The following LRBA variants were observed in gnomAD, a reference collection of about 807,000 sequenced individuals.
LRBA encodes the protein LPS responsive beige-like anchor protein, also known as lipopolysaccharide-responsive and beige-like anchor protein.
In LRBA, 176 loss-of-function variants were observed where a neutral mutation model predicts 330.0. The ratio of observed to expected loss-of-function variants is 0.53; its 90% confidence interval spans 0.47 to 0.60. The LOEUF (loss-of-function observed/expected upper bound fraction) is 0.60. LRBA is among the 20% of genes least tolerant of loss of function. The pLI is 0.00. For synonymous variants in LRBA, 1,230 were observed against 1,193.0 expected (o/e 1.03, Z -0.64); for missense variants, 3,259 against 3,444.8 (o/e 0.95, Z 1.35).
intron 2 of LRBA, among the ~76,000 whole-genome samples, chr4:150,946,604 G>A (rs1319130844): frequency 1.3e-5 from 2 of 152,042 alleles, no homozygotes; most frequent in African/African-American, 4.8e-5. Flanking sequence ...ATCAAAATTT[G>A]TGGGCCATAC....
intron 40 of LRBA, among the ~76,000 whole-genome samples, chr4:150,495,772 C>T (rs1235871722): frequency 6.6e-6 from 1 of 152,138 alleles, no homozygotes; most frequent in East Asian, 1.9e-4. Flanking sequence ...TGAAACTCTA[C>T]ATACACTGAC....
chr4:150,382,286 T>C (rs1166326940), intron 47 of LRBA, among the ~76,000 whole-genome samples: 1 of 152,122 alleles, frequency 6.6e-6, no homozygotes, highest in Non-Finnish European at 1.5e-5. Context: ...TGCAGTCTTG[T>C]TTTGTGTCAA....
chr4:150,644,056 A>G (rs1778917496), intron 37 of LRBA, among the ~76,000 whole-genome samples: 1 of 151,898 alleles, frequency 6.6e-6, no homozygotes, highest in South Asian at 2.1e-4. Flanking sequence ...TTATTTTCTT[A>G]TTACCAGTGT....
At chr4:150,798,176 A>G (rs941982608) in intron 33 of LRBA, 34 bp from the exon 34 acceptor site, 1 of 1,348,642 alleles carries the variant, frequency 7.4e-7, no homozygotes, top group Non-Finnish European at 1.1e-6. Context: ...AAGAAGTTAT[A>G]AAGAAAACAA....
In LRBA at chr4:150,969,828, G is replaced by A. The variant is rs573722477; in HGVS notation, c.217-40763C>T. Reference sequence around the variant, plus strand: ...GTGAAGATGCCATGAGTATTGTTGAGATAACAAAGGATTTAGAATCTTACA... The same window carrying A: ...GTGAAGATGCCATGAGTATTGTTGAAATAACAAAGGATTTAGAATCTTACA... On this transcript the variant is annotated intron_variant, in intron 2 of 56. Transcript: ENST00000651943. 3.3e-5 allele frequency among the ~76,000 whole-genome samples: 5 copies of A among 152,268 alleles called. No homozygotes were observed. The South Asian group carries it at 1.0e-3, about 32-fold the overall frequency.
At chr4:150,892,796 A>G (rs1330986168) in intron 17 of LRBA, among the ~76,000 whole-genome samples, 1 of 152,236 alleles carries the variant, frequency 6.6e-6, no homozygotes, top group Non-Finnish European at 1.5e-5. Flanking sequence ...GTAGCTCTAT[A>G]ATAGCACTCA....
At chr4:150,636,149 C>A (rs1777881286) in intron 37 of LRBA, among the ~76,000 whole-genome samples, 1 of 132,522 alleles carries the variant, frequency 7.5e-6, no homozygotes, top group South Asian at 2.5e-4. Context: ...TGACATGGTA[C>A]CTACCAAGCT....
At position 150,798,071 on chromosome 4, in the gene LRBA, T is replaced by A; in HGVS notation, c.5580+10A>T. On this transcript the variant is annotated intron_variant, in intron 34 of 56. Coordinates refer to ENST00000651943, the MANE Select transcript of LRBA (RefSeq NM_001364905.1). ...CTACTTTTAATTCAACATTTATTCT[T>A]GCCACTCACCTGAGAACACAGTAGC... 2 of 1,578,082 alleles carry A rather than the reference T, an allele frequency of 1.3e-6. No homozygotes were observed. Among genetic ancestry groups the A allele is most frequent in the Non-Finnish European group, 8.7e-7 (1 of 1,150,416 alleles).
chr4:150,562,105 T>TGTTAC (rs59777850), intron 40 of LRBA, among the ~76,000 whole-genome samples: 1 of 151,856 alleles, frequency 6.6e-6, no homozygotes, highest in Non-Finnish European at 1.5e-5. Flanking sequence ...AATTATTTTA[T>TGTTAC]ATTTGCTCAC....
At chr4:150,409,692 A>G (rs1746677748) in intron 47 of LRBA, among the ~76,000 whole-genome samples, 1 of 152,172 alleles carries the variant, frequency 6.6e-6, no homozygotes, top group Admixed American at 6.5e-5. Context: ...AATGGTTTTT[A>G]TATTTTTACA....
chr4:150,918,486 C>T (rs1483531891), intron 5 of LRBA, among the ~76,000 whole-genome samples: 2 of 152,172 alleles, frequency 1.3e-5, no homozygotes, highest in African/African-American at 4.8e-5. Context: ...CGGTGGCTCA[C>T]GCCTATAATC....
chr4:150,952,264 G>A (rs960176679), intron 2 of LRBA, among the ~76,000 whole-genome samples: 1 of 152,176 alleles, frequency 6.6e-6, no homozygotes, highest in African/African-American at 2.4e-5. Flanking sequence ...ATGTGTGTGT[G>A]TGTGTGTGTG....
chr4:150,797,987 C>T, intron 34 of LRBA, 94 bp downstream of exon 34: 1 of 773,636 alleles, frequency 1.3e-6, no homozygotes, highest in East Asian at 2.5e-5. Context: ...TTTTATTATA[C>T]CAAAAATTTC....
At position 150,827,844 on chromosome 4, in the gene LRBA, C is replaced by T. The variant is rs538412838; in HGVS notation, c.5171+336G>A. 8.6e-5 allele frequency among the ~76,000 whole-genome samples: 13 copies of T among 151,962 alleles called. No homozygotes were observed. In the East Asian group the frequency reaches 2.5e-3, roughly 29 times the overall value. Reference sequence around the variant, plus strand: ...CTCGAACTCCTGACCTCAGGTGATCCACACACTTCAACCTCCCAAAATGCT... The same window carrying T: ...CTCGAACTCCTGACCTCAGGTGATCTACACACTTCAACCTCCCAAAATGCT... On this transcript the variant is annotated intron_variant, in intron 30 of 56. Transcript: ENST00000651943.
At chr4:150,966,257 G>A (rs1400457358) in intron 2 of LRBA, among the ~76,000 whole-genome samples, 1 of 151,748 alleles carries the variant, frequency 6.6e-6, no homozygotes, top group Non-Finnish European at 1.5e-5. Flanking sequence ...TATATTTGTA[G>A]CTCATTCTCT....
intron 52 of LRBA, among the ~76,000 whole-genome samples, chr4:150,309,042 C>G (rs1035909593): frequency 6.6e-6 from 1 of 152,160 alleles, no homozygotes; most frequent in Admixed American, 6.5e-5. Flanking sequence ...CCCAGCGCAA[C>G]TTCCAGTCCT....
chr4:150,572,962 A>T (rs1770049193), intron 40 of LRBA, among the ~76,000 whole-genome samples: 1 of 152,128 alleles, frequency 6.6e-6, no homozygotes, highest in Non-Finnish European at 1.5e-5. Context: ...CAGCACTTAC[A>T]TGAAAGGGGC....
chr4:150,693,064 G>C (rs2126960109), intron 36 of LRBA, among the ~76,000 whole-genome samples: 1 of 152,184 alleles, frequency 6.6e-6, no homozygotes, highest in East Asian at 1.9e-4. Context: ...ATTCGGAATA[G>C]CTAAAAATTG....
At chr4:150,453,964 T>G (rs1030128335) in intron 44 of LRBA, among the ~76,000 whole-genome samples, 2 of 150,408 alleles carry the variant, frequency 1.3e-5, no homozygotes, top group Non-Finnish European at 3.0e-5. Flanking sequence ...GATTTAAAAG[T>G]TTTTTTTTTC....
Sources: gnomAD v4.1 joint callset for allele counts (sites outside exome capture counted in the v4.1 genomes callset) on GRCh38, gnomAD v4.1.1 for gene constraint, MANE v1.5 for transcripts, NCBI Gene and HGNC (gene_info 2026-07-23, HGNC 2026-07-21) for gene names.